DHX57: variants seen among roughly 807,000 people sequenced by gnomAD.
The protein encoded by DHX57 is putative ATP-dependent RNA helicase DHX57.
Under a neutral mutation model 156.2 loss-of-function variants are expected in DHX57, and 105 were observed. The observed-to-expected ratio is 0.67, with a 90% CI of 0.57 to 0.79. The LOEUF is 0.79. Ranked by LOEUF, DHX57 falls within the 30% of genes least tolerant of loss-of-function variation. DHX57 has a pLI of 0.00. For missense variants in DHX57, 1,847 were observed against 1,661.9 expected (o/e 1.11, Z -1.94); for synonymous variants, 704 against 595.6 (o/e 1.18, Z -2.65).
chr2:38,855,085 C>G lies in DHX57; in HGVS notation c.1877G>C (p.Gly626Ala). The G allele has an allele frequency of 6.2e-7, 1 of 1,614,114 alleles. No individual in the cohort carries two copies. Among genetic ancestry groups the G allele is most frequent in the Non-Finnish European group, 8.5e-7 (1 of 1,180,012 alleles). The change falls in exon 8 of 24, where the codon GGA becomes GCA. Residue 626 changes from glycine to alanine, a missense_variant. Coordinates refer to ENST00000457308, the MANE Select transcript of DHX57 (RefSeq NM_198963.3). ...ERAERVGLTVGYQIRLESVKS... is the reference protein window; with the variant it reads ...ERAERVGLTVAYQIRLESVKS... The stretch of plus-strand genomic sequence containing the variant: ...GACACTTTCTAACCGAATCTGGTAT[C>G]CCACGGTCAGACCCACCCTCTCTGC...
At position 38,855,097 on chromosome 2, in the gene DHX57, C is replaced by T; in HGVS notation, c.1865G>A (p.Gly622Asp). The T allele has an allele frequency of 1.9e-6, 3 of 1,614,086 alleles. No homozygotes were observed. The highest frequency in any genetic ancestry group is 2.5e-6 in the Non-Finnish European group (3 of 1,180,022). Reference sequence around the variant, plus strand: ...CCGAATCTGGTATCCCACGGTCAGACCCACCCTCTCTGCTCTTTCTTTAGC... The same window carrying T: ...CCGAATCTGGTATCCCACGGTCAGATCCACCCTCTCTGCTCTTTCTTTAGC... The part of the protein sequence containing the change: ...RVAKERAERV[G>D]LTVGYQIRLE... The change falls in exon 8 of 24, where the codon GGT (glycine) becomes GAT (aspartate). Residue 622 changes from glycine to aspartate, a missense_variant. Transcript: ENST00000457308.
rs1407295933 is a variant in DHX57, at chr2:38,799,540, T to TCA, written c.4018-1099_4018-1098insTG. Among the ~76,000 whole-genome samples, 9 of 110,486 alleles carry TCA rather than the reference T, an allele frequency of 8.1e-5. No homozygotes were observed. The Admixed American group carries it at 8.7e-4, about 11-fold the overall frequency. The allele number at this position is 110,486 out of a possible 152,430, so 72.5% of individuals were successfully genotyped here. Reference sequence around the variant, plus strand: ...ACTGAGGTGGGCGGATCACCTGAGGTGGAAGTTCGAGACCAGCTTGACCAA... The same window carrying TCA: ...ACTGAGGTGGGCGGATCACCTGAGGTCAGGAAGTTCGAGACCAGCTTGACCAA... On this transcript the variant is annotated intron_variant, in intron 23 of 23. Transcript: ENST00000457308.
At chr2:38,806,119 C>G in intron 22 of DHX57, among the ~76,000 whole-genome samples, 1 of 152,226 alleles carries the variant, frequency 6.6e-6, no homozygotes, top group Non-Finnish European at 1.5e-5. Flanking sequence ...TGATGAGGAC[C>G]AAGGGATGAC....
intron 13 of DHX57, among the ~76,000 whole-genome samples, chr2:38,828,681 C>T (rs1391402161): frequency 6.6e-6 from 1 of 151,414 alleles, no homozygotes; most frequent in Non-Finnish European, 1.5e-5. Context: ...CAAGATTGTG[C>T]CACTGCACTC....
intron 1 of DHX57, among the ~76,000 whole-genome samples, chr2:38,873,655 T>C (rs922991243): frequency 2.6e-5 from 4 of 152,234 alleles, no homozygotes; most frequent in Non-Finnish European, 4.4e-5. Context: ...GGAGATTTGT[T>C]CATCTATTTA....
rs1670395686 is a variant in DHX57, at chr2:38,813,869, C to G, written c.3633G>C (p.Lys1211Asn). 11 of 1,613,528 alleles carry G rather than the reference C, an allele frequency of 6.8e-6. No homozygotes were observed. Among genetic ancestry groups the G allele is most frequent in the Middle Eastern group, 1.7e-4 (1 of 6,060 alleles). The change falls in exon 21 of 24, where the codon AAG becomes AAC. Residue 1211 changes from lysine (K) to asparagine (N), a missense_variant. Physicochemically the swap from Lys to Asn is moderately conservative, Grantham distance 94. Coordinates refer to ENST00000457308, the MANE Select transcript of DHX57 (RefSeq NM_198963.3). Reference sequence around the variant, plus strand: ...CAGCACACAGCATTGCTGATATCAGCTTGGGGTTCTCAGCATTTGAGTTTG... The same window carrying G: ...CAGCACACAGCATTGCTGATATCAGGTTGGGGTTCTCAGCATTTGAGTTTG... ...EEANSNAENP[K>N]LISAMLCAAL...
chr2:38,807,506 C>T lies in DHX57; in HGVS notation c.3682-813G>A, dbSNP rs1405890905. ...CCTAGTAGCTGGGACTACAGGCGCC[C>T]GCCGCCACACCCGGCTAATTTTTTG... On this transcript the variant is annotated intron_variant, in intron 21 of 23. Coordinates refer to ENST00000457308, the MANE Select transcript of DHX57 (RefSeq NM_198963.3). Among the ~76,000 whole-genome samples, 8 of 150,054 alleles carry T rather than the reference C, an allele frequency of 5.3e-5. No homozygotes were observed. The South Asian group carries it at 6.3e-4, about 12-fold the overall frequency.
intron 13 of DHX57, among the ~76,000 whole-genome samples, chr2:38,835,920 G>C (rs1671631367): frequency 1.3e-5 from 2 of 152,180 alleles, no homozygotes; most frequent in African/African-American, 4.8e-5. Flanking sequence ...TCAAGATATG[G>C]ATCTTGGAGA....
chr2:38,808,863 G>A (rs1670088968), intron 21 of DHX57, among the ~76,000 whole-genome samples: 1 of 151,942 alleles, frequency 6.6e-6, no homozygotes, highest in Non-Finnish European at 1.5e-5. Flanking sequence ...GCCTTACGCA[G>A]TCCTCCCACC....
chr2:38,812,674 C>T (rs1215720035), intron 21 of DHX57, among the ~76,000 whole-genome samples: 1 of 152,068 alleles, frequency 6.6e-6, no homozygotes, highest in African/African-American at 2.4e-5. Context: ...GCTGGGATTA[C>T]AGGCATGCAC....
Position 38,861,216 on chromosome 2 carries a change from CA to C in DHX57, c.1193del (p.Leu398Ter). The C allele has an allele frequency of 6.2e-7, 1 of 1,614,090 alleles. No homozygotes were observed. The highest frequency in any genetic ancestry group is 1.3e-5 in the African/African-American group (1 of 75,032). On this transcript the variant is annotated frameshift_variant, in exon 5 of 24. Transcript: ENST00000457308. LOFTEE classifies it high-confidence loss of function. ...HISEFLYDKA[L>X]TFAETSEPVV... ...CAGGTTCCGAAGTTTCCGCAAATGT[CA>C]AGGCCTTGTCATAAAGAAACTCAGA...
At position 38,861,674 on chromosome 2, in the gene DHX57, C is replaced by G. The variant is rs753240888; in HGVS notation, c.736G>C (p.Glu246Gln). ...VNQISLDECMEQRQEEAFALK... is the reference protein window; with the variant it reads ...VNQISLDECMQQRQEEAFALK... ...GCAAATGCCTCTTCCTGTCGCTGTTCCATACACTCATCCAAGCTTATCTGG... is the reference window on the plus strand; with the variant it reads ...GCAAATGCCTCTTCCTGTCGCTGTTGCATACACTCATCCAAGCTTATCTGG... The change falls in exon 5 of 24, where the codon GAA (glutamate) becomes CAA (glutamine). Residue 246 changes from glutamate to glutamine, a missense_variant. Transcript: ENST00000457308. 1.9e-6 allele frequency: 3 copies of G among 1,614,144 alleles called. No homozygotes were observed. The Admixed American group carries it at 5.0e-5, about 27-fold the overall frequency.
intron 1 of DHX57, among the ~76,000 whole-genome samples, chr2:38,870,835 C>T (rs1239640417): frequency 1.6e-4 from 24 of 151,610 alleles, no homozygotes; most frequent in Admixed American, 1.4e-3. Context: ...GCCGAGATTG[C>T]GCCACTGCAC....
chr2:38,798,144 G>GTA lies in DHX57; in HGVS notation c.*153_*154dup. ...GGCTTTGTTAGAAATGGCCCTAAGG[G>GTA]TATATACACTGCCTCAGCTGCCTTG... On this transcript the variant is annotated 3_prime_UTR_variant, in exon 24 of 24. Transcript: ENST00000457308. The GTA allele has an allele frequency of 1.1e-6, 1 of 940,730 alleles. No individual in the cohort carries two copies. Among genetic ancestry groups the GTA allele is most frequent in the East Asian group, 2.5e-5 (1 of 39,500 alleles). 58.3% of individuals were successfully genotyped at this position (940,730 alleles called of 1,614,324 possible). A position where few individuals can be genotyped will look rare whatever the true frequency, so the allele number is the denominator to read the frequency against.
chr2:38,841,148 T>G (rs1433250752), intron 12 of DHX57, among the ~76,000 whole-genome samples: 1 of 152,204 alleles, frequency 6.6e-6, no homozygotes, highest in Admixed American at 6.5e-5. Context: ...TGTTCCATAA[T>G]TTAATGGAAT....
chr2:38,873,489 C>T (rs910211461), intron 1 of DHX57, among the ~76,000 whole-genome samples: 7 of 152,166 alleles, frequency 4.6e-5, no homozygotes, highest in Admixed American at 2.0e-4. Flanking sequence ...TTAAGTTTGT[C>T]TCTCCTTTCT....
In DHX57 at chr2:38,842,997, C is replaced by A; in HGVS notation, c.2425+8G>T. 6.2e-7 allele frequency: 1 copy of A among 1,612,734 alleles called. No individual in the cohort carries two copies. Among genetic ancestry groups the A allele is most frequent in the Non-Finnish European group, 8.5e-7 (1 of 1,178,710 alleles). On this transcript the variant is annotated splice_region_variant and intron_variant, in intron 12 of 23. Coordinates refer to ENST00000457308, the MANE Select transcript of DHX57 (RefSeq NM_198963.3). ...ATAATTATAATATTCCCCCAAGAGGCATGTTACCTTTATAGCGGGCCAGGA... is the reference window on the plus strand; with the variant it reads ...ATAATTATAATATTCCCCCAAGAGGAATGTTACCTTTATAGCGGGCCAGGA...
At chr2:38,849,747 C>A (rs1054040732) in intron 9 of DHX57, among the ~76,000 whole-genome samples, 1 of 152,106 alleles carries the variant, frequency 6.6e-6, no homozygotes, top group African/African-American at 2.4e-5. Flanking sequence ...CACCTTGGGT[C>A]TTTTGTACAT....
rs1670395414 is a variant in DHX57, at chr2:38,813,865, T to C, written c.3637A>G (p.Ile1213Val). The change falls in exon 21 of 24, where the codon ATA (isoleucine) becomes GTA (valine). Residue 1213 changes from isoleucine to valine, a missense_variant. By Grantham distance (29) the Ile-to-Val change is conservative (BLOSUM62 3). Transcript: ENST00000457308. ...ANSNAENPKL[I>V]SAMLCAALYP... ...AAAGCAGCACACAGCATTGCTGATA[T>C]CAGCTTGGGGTTCTCAGCATTTGAG... is the stretch of plus-strand genomic sequence containing the variant. 1 of 1,613,682 alleles carries C rather than the reference T, an allele frequency of 6.2e-7. No homozygotes were observed. Among genetic ancestry groups the C allele is most frequent in the Non-Finnish European group, 8.5e-7 (1 of 1,179,668 alleles).
Sources: allele counts gnomAD v4.1 joint callset (sites outside exome capture counted in the v4.1 genomes callset), GRCh38; gene constraint gnomAD v4.1.1; transcripts MANE v1.5; gene names NCBI Gene and HGNC (gene_info 2026-07-23, HGNC 2026-07-21).